The following KDM6A variants were observed in gnomAD, a reference collection of about 807,000 sequenced individuals.
KDM6A encodes the protein lysine-specific demethylase 6A.
In KDM6A, 11 loss-of-function variants were observed where a neutral mutation model predicts 117.6. The observed-to-expected ratio is 0.09, with a 90% CI of 0.06 to 0.15. KDM6A has a LOEUF of 0.15. Among genes scored for constraint, KDM6A ranks in the 10% least tolerant of loss-of-function variants. The pLI is 1.00. For missense variants in KDM6A, 799 were observed against 1,077.3 expected (o/e 0.74, Z 3.62); for synonymous variants, 384 against 396.1 (o/e 0.97, Z 0.36).
intron 6 of KDM6A, among the ~76,000 whole-genome samples, chrX:45,026,613 G>A (rs576479842): frequency 3.2e-4 from 35 of 107,972 alleles, no homozygotes; most frequent in South Asian, 1.6e-3. Flanking sequence ...GGTCCCCTGA[G>A]GTCAGGAGTT....
chrX:45,080,949 TGAGACG>T (rs1036159790), intron 21 of KDM6A, among the ~76,000 whole-genome samples: 5 of 112,278 alleles, frequency 4.5e-5, no homozygotes, highest in Non-Finnish European at 9.4e-5. Context: ...GTTGTTTTTT[TGAGACG>T]GAGTTTCGCT....
rs1258374617 is a variant in KDM6A at position 45,060,612 on chromosome X, T to C, written c.1333T>C (p.Cys445Arg). Residue 445 changes from cysteine (C) to arginine (R), a missense_variant, in exon 14 of 30, where the codon TGT (cysteine) becomes CGT (arginine). Transcript: ENST00000611820. Reference protein sequence around the residue: ...QGAMNTAQQACKPHHPNTEPV... With the variant: ...QGAMNTAQQARKPHHPNTEPV... ...GTCTTCCTTCTGTGATTCTTAGGCA[T>C]GTAAACCTCATCATCCAAATACTGA... The C allele has an allele frequency of 1.2e-5, 13 of 1,058,489 alleles. No individual in the cohort carries two copies. The highest frequency in any genetic ancestry group is 5.7e-5 in the Admixed American group (2 of 35,004). 87.2% of individuals were successfully genotyped at this position (1,058,489 alleles called of 1,213,427 possible). A position where few individuals can be genotyped will look rare whatever the true frequency, so the allele number is the denominator to read the frequency against.
At chrX:45,049,821 T>C (rs1338942758) in intron 8 of KDM6A, among the ~76,000 whole-genome samples, 1 of 112,534 alleles carries the variant, frequency 8.9e-6, no homozygotes. Context: ...TATAATGTTA[T>C]CATACACAGC....
chrX:44,914,806 G>A (rs1423086872), intron 2 of KDM6A, among the ~76,000 whole-genome samples: 1 of 110,537 alleles, frequency 9.0e-6, no homozygotes, highest in African/African-American at 3.3e-5. Flanking sequence ...CAAAGTGGGT[G>A]GCATTAGCAA....
chrX:44,954,875 G>A (rs920273093), intron 2 of KDM6A, among the ~76,000 whole-genome samples: 1 of 111,144 alleles, frequency 9.0e-6, no homozygotes, highest in Non-Finnish European at 1.9e-5. Flanking sequence ...TGTAGTACGG[G>A]CATTCATTGG....
chrX:44,913,377 C>T (rs777349715), intron 2 of KDM6A, among the ~76,000 whole-genome samples: 27 of 101,411 alleles, frequency 2.7e-4, no homozygotes, highest in South Asian at 9.1e-4. Context: ...TGGCTCACTG[C>T]GACCTCCGCC....
At chrX:45,110,634 T>C (rs906517800) in intron 29 of KDM6A, among the ~76,000 whole-genome samples, 2 of 112,168 alleles carry the variant, frequency 1.8e-5, no homozygotes, top group Non-Finnish European at 3.8e-5. Context: ...AATATACTTC[T>C]GCTTTTAGAG....
chrX:45,019,069 A>G (rs186388011), intron 5 of KDM6A, among the ~76,000 whole-genome samples: 1 of 111,509 alleles, frequency 9.0e-6, no homozygotes, highest in East Asian at 2.8e-4. Flanking sequence ...AATTGGCAGC[A>G]TTTATTGCTG....
chrX:44,991,321 T>TTC (rs747941440), intron 4 of KDM6A, among the ~76,000 whole-genome samples: 79 of 109,400 alleles, frequency 7.2e-4, no homozygotes, highest in Middle Eastern at 4.7e-3. Context: ...TCTTTTTCTC[T>TTC]TCTCTCTCTC....
chrX:45,044,887 A>G (rs777804278), intron 8 of KDM6A, among the ~76,000 whole-genome samples: 1 of 111,754 alleles, frequency 8.9e-6, no homozygotes, highest in Admixed American at 9.5e-5. Flanking sequence ...TATATTACCA[A>G]AACACTATAG....
At chrX:45,042,194 T>C (rs779144906) in intron 8 of KDM6A, among the ~76,000 whole-genome samples, 1,406 of 95,369 alleles carry the variant, frequency 0.015, 17 homozygotes, top group African/African-American at 0.052. Context: ...TGAGCCGAGA[T>C]GGCAGCAGTA....
intron 6 of KDM6A, 53 bp downstream of exon 6, chrX:45,020,783 T>C: frequency 1.7e-6 from 2 of 1,170,927 alleles, no homozygotes; most frequent in South Asian, 3.7e-5. Flanking sequence ...GGTTTTTTTG[T>C]TTTTGTTTTT....
rs397962453 is a variant in KDM6A at position 45,035,706 on chromosome X, T to TATC, written c.619+721_619+722insATC. 2.7e-5 allele frequency among the ~76,000 whole-genome samples: 3 copies of TATC among 109,740 alleles called. No homozygotes were observed. The South Asian group carries it at 1.2e-3, about 42-fold the overall frequency. ...AATAAATTATTATTATTATTATTAT[T>TATC]TTCTTTTTTTTGAGATGGAGTCTCA... On this transcript the variant is annotated intron_variant, in intron 7 of 29. Transcript: ENST00000611820.
At chrX:44,987,707 C>G (rs995607621) in intron 4 of KDM6A, among the ~76,000 whole-genome samples, 8 of 111,624 alleles carry the variant, frequency 7.2e-5, no homozygotes, top group Non-Finnish European at 1.5e-4. Flanking sequence ...GTTGAAAATT[C>G]TTTTCTTTAA....
At chrX:44,971,887 TCTG>T (rs1359743698) in intron 3 of KDM6A, among the ~76,000 whole-genome samples, 1 of 110,420 alleles carries the variant, frequency 9.1e-6, no homozygotes, top group Non-Finnish European at 1.9e-5. Context: ...ATAAGTGAAG[TCTG>T]CTGGCTCCAC....
At position 45,076,821 on chromosome X, in the gene KDM6A, A is replaced by G; in HGVS notation, c.2983A>G (p.Ile995Val). The change falls in exon 19 of 30, where the codon ATT becomes GTT. Residue 995 changes from isoleucine (I) to valine (V), a missense_variant. Physicochemically the swap from Ile to Val is conservative, Grantham distance 29 (BLOSUM62 3). Transcript: ENST00000611820. ...CAAGTTGAATCCACCTACACCTAGT[A>G]TTTACGTGAGTCTGAATTGACTGAC... ...KDKLNPPTPS[I>V]YLENKRDAFF... The G allele has an allele frequency of 8.3e-7, 1 of 1,200,432 alleles. No homozygotes were observed. The highest frequency in any genetic ancestry group is 1.1e-6 in the Non-Finnish European group (1 of 886,590).
At chrX:44,874,905 A>G (rs752568331) in intron 2 of KDM6A, among the ~76,000 whole-genome samples, 3 of 111,971 alleles carry the variant, frequency 2.7e-5, no homozygotes, top group African/African-American at 6.5e-5. Context: ...TTATTTGCAT[A>G]TAGAATTCTT....
chrX:44,910,885 C>T (rs988311553), intron 2 of KDM6A, among the ~76,000 whole-genome samples: 31 of 112,309 alleles, frequency 2.8e-4, no homozygotes, highest in Middle Eastern at 9.2e-3. Context: ...ATGGAGTCTC[C>T]TATGTCTACT....
chrX:45,080,655 C>T lies in KDM6A; in HGVS notation c.3300+1304C>T, dbSNP rs183998425. 7.2e-5 allele frequency among the ~76,000 whole-genome samples: 8 copies of T among 111,811 alleles called. No homozygotes were observed. In the Admixed American group the frequency reaches 7.6e-4, roughly 11 times the overall value. ...GTAAATTGTATATTTGTCTTCCTTT[C>T]CCCCTGCCGCTCCCTATATATTACA... On this transcript the variant is annotated intron_variant, in intron 21 of 29. Coordinates refer to ENST00000611820, the MANE Select transcript of KDM6A (RefSeq NM_001291415.2).
Sources: allele counts gnomAD v4.1 joint callset (sites outside exome capture counted in the v4.1 genomes callset), GRCh38; gene constraint gnomAD v4.1.1; transcripts MANE v1.5; gene names NCBI Gene and HGNC (gene_info 2026-07-23, HGNC 2026-07-21).